Variants in CNBD1 observed in about 807,000 individuals in gnomAD.
CNBD1 encodes cyclic nucleotide binding domain containing 1.
A neutral mutation model predicts 54.4 loss-of-function variants in CNBD1; 71 were observed. The observed-to-expected ratio is 1.30, with a 90% CI of 1.08 to 1.59. The LOEUF (loss-of-function observed/expected upper bound fraction) is 1.59. Ranked by LOEUF, CNBD1 falls within the 40% of genes most tolerant of loss-of-function variation. CNBD1 has a pLI of 0.00. For synonymous variants in CNBD1, 182 were observed against 170.7 expected (o/e 1.07, Z -0.51); for missense variants, 659 against 518.0 (o/e 1.27, Z -2.64).
rs151004496 is a variant in CNBD1, at chr8:87,216,100, A to C, written c.577+9962A>C. Among the ~76,000 whole-genome samples, 37 of 152,298 alleles carry C rather than the reference A, an allele frequency of 2.4e-4. 1 individual carries two copies. The East Asian group carries it at 4.2e-3, about 17-fold the overall frequency. On this transcript the variant is annotated intron_variant, in intron 5 of 10. Transcript: ENST00000518476. ...CTGTTAATTGTTTCTTTAATAGCTG[A>C]ATAATATCCTCTTATGTAAGCTATT...
intron 4 of CNBD1, among the ~76,000 whole-genome samples, chr8:87,148,039 G>T (rs1367851): frequency 0.99 from 151,046 of 152,302 alleles, 74,905 homozygotes; most frequent in East Asian, 1. Flanking sequence ...TTTAAAAAGT[G>T]TATGTATTGA....
intron 10 of CNBD1, among the ~76,000 whole-genome samples, chr8:87,354,074 C>T (rs2130930224): frequency 6.6e-6 from 1 of 152,190 alleles, no homozygotes; most frequent in South Asian, 2.1e-4. Flanking sequence ...GCTTGGTCTC[C>T]TGGTCCTCCA....
intron 4 of CNBD1, among the ~76,000 whole-genome samples, chr8:86,961,973 T>G (rs528434565): frequency 7.2e-5 from 11 of 152,312 alleles, no homozygotes; most frequent in Admixed American, 2.0e-4. Flanking sequence ...GGTGGAGCAC[T>G]TCAAGAACCA....
At chr8:86,904,355 A>G (rs1488799992) in intron 2 of CNBD1, among the ~76,000 whole-genome samples, 2 of 152,042 alleles carry the variant, frequency 1.3e-5, no homozygotes, top group Non-Finnish European at 2.9e-5. Context: ...GTCAATTGAA[A>G]ATTGAATTAG....
chr8:87,027,332 C>T (rs1370490630), intron 4 of CNBD1, among the ~76,000 whole-genome samples: 4 of 151,984 alleles, frequency 2.6e-5, no homozygotes, highest in South Asian at 2.1e-4. Flanking sequence ...AGTGCAGTGG[C>T]GTGATCTCGG....
chr8:87,332,531 T>C (rs1809857786), intron 8 of CNBD1, among the ~76,000 whole-genome samples: 1 of 152,172 alleles, frequency 6.6e-6, no homozygotes, highest in South Asian at 2.1e-4. Flanking sequence ...TTTAAGTCTT[T>C]AATCCATCTT....
chr8:87,321,230 T>G (rs923811399), intron 8 of CNBD1, among the ~76,000 whole-genome samples: 19 of 149,506 alleles, frequency 1.3e-4, no homozygotes, highest in Admixed American at 2.7e-4. Flanking sequence ...TAGTTCTATT[T>G]TTAATTTTTT....
chr8:87,388,800 A>G (rs1811247139), intron 2 of CNBD1, among the ~76,000 whole-genome samples: 1 of 152,198 alleles, frequency 6.6e-6, no homozygotes, highest in Non-Finnish European at 1.5e-5. Context: ...CACAACAAAA[A>G]AAGACAATTT....
chr8:87,301,351 C>T (rs1808987626), intron 8 of CNBD1, among the ~76,000 whole-genome samples: 1 of 152,168 alleles, frequency 6.6e-6, no homozygotes, highest in East Asian at 1.9e-4. Context: ...TTTTATGAAG[C>T]CAGCATCACC....
At chr8:86,931,746 A>G (rs1170409641) in intron 3 of CNBD1, among the ~76,000 whole-genome samples, 1 of 152,096 alleles carries the variant, frequency 6.6e-6, no homozygotes, top group Non-Finnish European at 1.5e-5. Flanking sequence ...TTCTCCTGGT[A>G]CCTGTGGCTG....
chr8:87,344,026 A>G (rs761893792), intron 8 of CNBD1, among the ~76,000 whole-genome samples: 1 of 152,134 alleles, frequency 6.6e-6, no homozygotes, highest in South Asian at 2.1e-4. Flanking sequence ...TAGATAGTCA[A>G]TATTCTAATG....
chr8:87,137,109 ATATAT>A (rs1299389645), intron 4 of CNBD1, among the ~76,000 whole-genome samples: 6 of 92,028 alleles, frequency 6.5e-5, no homozygotes, highest in East Asian at 2.6e-4. Flanking sequence ...TGTAAATTAT[ATATAT>A]TATATTTTTA....
intron 4 of CNBD1, among the ~76,000 whole-genome samples, chr8:87,050,298 A>G (rs1295539409): frequency 6.6e-6 from 1 of 152,228 alleles, no homozygotes; most frequent in Non-Finnish European, 1.5e-5. Context: ...TCCCTCTGAC[A>G]GGAGTAAACC....
At chr8:87,060,806 G>C (rs912528017) in intron 4 of CNBD1, among the ~76,000 whole-genome samples, 1 of 151,930 alleles carries the variant, frequency 6.6e-6, no homozygotes, top group Non-Finnish European at 1.5e-5. Context: ...ATTATATAGG[G>C]AGCAAATCCA....
chr8:87,343,636 T>A (rs1217917356), intron 8 of CNBD1, among the ~76,000 whole-genome samples: 1 of 152,232 alleles, frequency 6.6e-6, no homozygotes, highest in Non-Finnish European at 1.5e-5. Flanking sequence ...CTTTTGTACA[T>A]TTTAACAAAG....
chr8:87,293,542 C>T (rs1008935053), intron 8 of CNBD1, among the ~76,000 whole-genome samples: 1 of 152,026 alleles, frequency 6.6e-6, no homozygotes, highest in Non-Finnish European at 1.5e-5. Flanking sequence ...GACTCCATCT[C>T]AAAAAACAAA....
chr8:87,219,798 A>C (rs1400332850), intron 5 of CNBD1, among the ~76,000 whole-genome samples: 1 of 152,020 alleles, frequency 6.6e-6, no homozygotes, highest in Non-Finnish European at 1.5e-5. Flanking sequence ...AAATAGTCAC[A>C]TGCTTATACA....
At chr8:87,328,154 A>G (rs944699609) in intron 8 of CNBD1, among the ~76,000 whole-genome samples, 5 of 151,896 alleles carry the variant, frequency 3.3e-5, no homozygotes, top group Non-Finnish European at 7.4e-5. Context: ...ATCCCCCAAC[A>G]GGCCCTGGTG....
intron 4 of CNBD1, among the ~76,000 whole-genome samples, chr8:86,963,672 G>A (rs1191215482): frequency 6.6e-6 from 1 of 152,186 alleles, no homozygotes; most frequent in Non-Finnish European, 1.5e-5. Flanking sequence ...TTTTTCCTGA[G>A]ATGCCCTTCA....
Sources: allele counts gnomAD v4.1 joint callset (sites outside exome capture counted in the v4.1 genomes callset), GRCh38; gene constraint gnomAD v4.1.1; transcripts MANE v1.5; gene names NCBI Gene and HGNC (gene_info 2026-07-23, HGNC 2026-07-21).